Variants in IRF2 observed in about 807,000 individuals in gnomAD.
The protein encoded by IRF2 is interferon regulatory factor 2.
In IRF2, 15 loss-of-function variants were observed where a neutral mutation model predicts 40.6. The ratio of observed to expected loss-of-function variants is 0.37; its 90% CI spans 0.25 to 0.57. The LOEUF is 0.57. IRF2 is among the 20% of genes least tolerant of loss of function. IRF2 has a pLI of 0.77. For synonymous variants in IRF2, 151 were observed against 165.5 expected (o/e 0.91, Z 0.67); for missense variants, 317 against 455.7 (o/e 0.70, Z 2.77).
chr4:184,473,629 C>T (rs1429817222), intron 1 of IRF2, among the ~76,000 whole-genome samples: 1 of 147,946 alleles, frequency 6.8e-6, no homozygotes, highest in East Asian at 2.0e-4. Context: ...GGCCCGGCGC[C>T]CGGCCCGGCT....
Position 184,448,582 on chromosome 4 carries a change from G to A in IRF2, c.-6-19512C>T, listed in dbSNP as rs565574075. The stretch of plus-strand genomic sequence containing the variant: ...AAACTTCTGTGCTAATTCAATAGAA[G>A]TTATTTATGTTTTATATTTTAAAGC... On this transcript the variant is annotated intron_variant, in intron 1 of 8. Coordinates refer to ENST00000393593, the MANE Select transcript of IRF2 (RefSeq NM_002199.4). The surrounding 1 kb of genome is among the most constrained non-coding windows in gnomAD (Gnocchi z 4.3). 1 of 152,306 alleles carries A rather than the reference G, an allele frequency of 6.6e-6. No individual in the cohort carries two copies. Among genetic ancestry groups the A allele is most frequent in the South Asian group, 2.1e-4 (1 of 4,826 alleles). The allele number at this position is 152,306 out of a possible 1,614,324, so 9.4% of individuals were successfully genotyped here.
chr4:184,434,982 G>A (rs929126161), intron 1 of IRF2, among the ~76,000 whole-genome samples: 1 of 152,174 alleles, frequency 6.6e-6, no homozygotes, highest in Non-Finnish European at 1.5e-5. Flanking sequence ...CCAGGAGTTC[G>A]AGGCTGCAGT....
intron 7 of IRF2, among the ~76,000 whole-genome samples, chr4:184,397,164 G>A (rs1054640907): frequency 1.3e-5 from 2 of 152,190 alleles, no homozygotes; most frequent in Non-Finnish European, 2.9e-5. Context: ...TGTGGCCAAG[G>A]TCTATTCTCA....
intron 6 of IRF2, chr4:184,407,271 C>T: frequency 3.2e-6 from 4 of 1,264,024 alleles, no homozygotes; most frequent in Non-Finnish European, 4.1e-6. Context: ...ATACACACAA[C>T]AAAAATTCAA....
rs1208345294 is a variant in IRF2 at position 184,388,630 on chromosome 4, TG to T, written c.*127del. The T allele has an allele frequency of 1.1e-6, 1 of 936,442 alleles. No homozygotes were observed. The highest frequency in any genetic ancestry group is 1.6e-6 in the Non-Finnish European group (1 of 615,706). 58.0% of individuals were successfully genotyped at this position (936,442 alleles called of 1,614,324 possible). A position where few individuals can be genotyped will look rare whatever the true frequency, so the allele number is the denominator to read the frequency against. ...TACTGGAGTTGGACACAGCAATCAA[TG>T]TTCTATTGTCAAGGCTTTTTCCCTT... On this transcript the variant is annotated 3_prime_UTR_variant, in exon 9 of 9. Transcript: ENST00000393593. This position sits in a 1 kb window ranked among gnomAD's most constrained non-coding sequence, Gnocchi z 4.6.
rs779248434 is a variant in IRF2 at position 184,418,546 on chromosome 4, C to T, written c.350G>A (p.Arg117Gln). The T allele has an allele frequency of 1.9e-6, 3 of 1,613,998 alleles. No homozygotes were observed. The highest frequency in any genetic ancestry group is 1.3e-5 in the African/African-American group (1 of 74,914). ...AATGCCTTTACCTTTCTTAGAAGGC[C>T]GTTCTGATAGGGGCAGCATTCGGTA... Reference protein sequence around the residue: ...RVYRMLPLSERPSKKGKKPKT... With the variant: ...RVYRMLPLSEQPSKKGKKPKT... The change falls in exon 4 of 9, where the codon CGG (arginine) becomes CAG (glutamine). Residue 117 changes from arginine to glutamine, a missense_variant. Arg to Gln is a conservative substitution (Grantham distance 43). Coordinates refer to ENST00000393593, the MANE Select transcript of IRF2 (RefSeq NM_002199.4).
At chr4:184,452,191 A>G (rs1738736746) in intron 1 of IRF2, among the ~76,000 whole-genome samples, 1 of 152,180 alleles carries the variant, frequency 6.6e-6, no homozygotes, top group African/African-American at 2.4e-5. Flanking sequence ...GGCAGAGGTG[A>G]CAGGGGCAAC....
chr4:184,426,020 G>A (rs1384927274), intron 2 of IRF2, among the ~76,000 whole-genome samples: 1 of 147,990 alleles, frequency 6.8e-6, no homozygotes, highest in East Asian at 2.0e-4. Context: ...GTTTGTTTTT[G>A]AGATGGAGTC....
chr4:184,470,245 C>T (rs756349578), intron 1 of IRF2, among the ~76,000 whole-genome samples: 7 of 152,106 alleles, frequency 4.6e-5, no homozygotes, highest in African/African-American at 7.2e-5. Flanking sequence ...GACATTTCAC[C>T]GCAGTTTCGT....
chr4:184,431,118 G>A (rs1380059773), intron 1 of IRF2, among the ~76,000 whole-genome samples: 1 of 152,230 alleles, frequency 6.6e-6, no homozygotes, highest in East Asian at 1.9e-4. Context: ...GGTGCCGTCA[G>A]AGGTTGGCCT....
intron 1 of IRF2, among the ~76,000 whole-genome samples, chr4:184,452,798 G>GAAAAAAAAAAA (rs1579104870): frequency 8.1e-6 from 1 of 122,990 alleles, no homozygotes; most frequent in African/African-American, 3.2e-5. Flanking sequence ...AAAAAAAAGG[G>GAAAAAAAAAAA]AAAGAAAGAA....
intron 7 of IRF2, among the ~76,000 whole-genome samples, chr4:184,395,435 A>AAAAG (rs1736417969): frequency 6.7e-6 from 1 of 149,488 alleles, no homozygotes; most frequent in East Asian, 2.0e-4. Flanking sequence ...AAAAAAAAAA[A>AAAAG]GGTGGTCAGA....
intron 1 of IRF2, among the ~76,000 whole-genome samples, chr4:184,431,081 T>C (rs1737860439): frequency 1.3e-5 from 2 of 152,242 alleles, no homozygotes; most frequent in East Asian, 3.8e-4. Flanking sequence ...AGGCCAGCTC[T>C]GAAGACGGCT....
At chr4:184,446,123 G>A (rs764916620) in intron 1 of IRF2, among the ~76,000 whole-genome samples, 28 of 152,144 alleles carry the variant, frequency 1.8e-4, no homozygotes, top group Admixed American at 8.5e-4. Context: ...GCAGATTCCC[G>A]CTCAGGGTCC....
rs867298792 is a variant in IRF2 at position 184,465,757 on chromosome 4, C to T, written c.-7+8622G>A. 2.6e-5 allele frequency among the ~76,000 whole-genome samples: 4 copies of T among 152,288 alleles called. No individual in the cohort carries two copies. The East Asian group carries it at 7.7e-4, about 29-fold the overall frequency. Reference sequence around the variant, plus strand: ...TGTGTCTCTATTGTTGGATATTTAGCTTGTTTCCAAGTTTTTACATAACAA... The same window carrying T: ...TGTGTCTCTATTGTTGGATATTTAGTTTGTTTCCAAGTTTTTACATAACAA... On this transcript the variant is annotated intron_variant, in intron 1 of 8. Coordinates refer to ENST00000393593, the MANE Select transcript of IRF2 (RefSeq NM_002199.4).
At chr4:184,427,039 T>C (rs1333392500) in intron 2 of IRF2, among the ~76,000 whole-genome samples, 1 of 152,222 alleles carries the variant, frequency 6.6e-6, no homozygotes, top group Non-Finnish European at 1.5e-5. Context: ...AAGTCAGCTT[T>C]CATTCAGTGT....
chr4:184,419,571 G>GAAAAAAAAAAAA lies in IRF2; in HGVS notation c.88-15_88-4dup. On this transcript the variant is annotated splice_polypyrimidine_tract_variant and splice_region_variant and intron_variant, in intron 2 of 8. Coordinates refer to ENST00000393593, the MANE Select transcript of IRF2 (RefSeq NM_002199.4). ...GGGATCTGAAAAATCTTCTTTTCCT[G>GAAAAAAAAAAAA]AAAAAAAAAAAAAAAAAAAAGGTAA... The GAAAAAAAAAAAA allele has an allele frequency of 3.3e-6, 3 of 911,522 alleles. No homozygotes were observed. The highest frequency in any genetic ancestry group is 3.2e-6 in the Non-Finnish European group (2 of 619,694). The allele number at this position is 911,522 out of a possible 1,614,324, so 56.5% of individuals were successfully genotyped here. A position where few individuals can be genotyped will look rare whatever the true frequency, so the allele number is the denominator to read the frequency against.
intron 1 of IRF2, chr4:184,472,714 T>C (rs999014071): frequency 1.6e-4 from 25 of 152,092 alleles, no homozygotes; most frequent in Admixed American, 1.5e-3. Flanking sequence ...TTTCAGACAG[T>C]AGCGGGTCAG....
At chr4:184,428,668 G>T (rs751093618) in intron 2 of IRF2, 1 of 472,742 alleles carries the variant, frequency 2.1e-6, no homozygotes, top group Non-Finnish European at 4.2e-6. Context: ...GTGTGGTGAC[G>T]TTTACCTGTA....
Sources: allele counts gnomAD v4.1 joint callset (sites outside exome capture counted in the v4.1 genomes callset), GRCh38; gene constraint gnomAD v4.1.1; non-coding constraint Gnocchi (gnomAD v3.1); transcripts MANE v1.5; gene names NCBI Gene and HGNC (gene_info 2026-07-23, HGNC 2026-07-21).